EFCAB6: variants seen among roughly 807,000 people sequenced by gnomAD.
The protein encoded by EFCAB6 is EF-hand calcium binding domain 6, also known as EF-hand calcium-binding domain-containing protein 6.
In EFCAB6, 156 loss-of-function variants were observed where a neutral mutation model predicts 169.8. The ratio of observed to expected loss-of-function variants is 0.92; its 90% CI spans 0.81 to 1.05. EFCAB6 has a LOEUF of 1.05. EFCAB6 is among the 50% of genes least tolerant of loss of function. The pLI, the probability that EFCAB6 is intolerant of heterozygous loss-of-function variation, is 0.00. For missense variants in EFCAB6, 1,800 were observed against 1,829.1 expected (o/e 0.98, Z 0.29); for synonymous variants, 698 against 676.4 (o/e 1.03, Z -0.50).
At chr22:43,547,414 C>T (rs1196808840) in intron 27 of EFCAB6, among the ~76,000 whole-genome samples, 1 of 152,034 alleles carries the variant, frequency 6.6e-6, no homozygotes, top group Non-Finnish European at 1.5e-5. Context: ...ATATAATTTC[C>T]AAACCAATAG....
chr22:43,746,146 C>T (rs750810297), intron 6 of EFCAB6, among the ~76,000 whole-genome samples: 9 of 152,318 alleles, frequency 5.9e-5, no homozygotes, highest in Non-Finnish European at 1.2e-4. Context: ...GGCCGGGCAT[C>T]GCTCACCTTT....
chr22:43,658,214 G>A (rs1054331014), intron 17 of EFCAB6, among the ~76,000 whole-genome samples: 1 of 151,738 alleles, frequency 6.6e-6, no homozygotes, highest in African/African-American at 2.4e-5. Flanking sequence ...CCTGGGCGAC[G>A]GAGCAAAACT....
In EFCAB6 at chr22:43,701,441, T is replaced by G. The variant is rs2058761339; in HGVS notation, c.1031+10034A>C. ...GAACTCAATGTTCTCTGTAAAAATATAAAAGAAAATAAAAAGGCAGTTGGT... is the reference window on the plus strand; with the variant it reads ...GAACTCAATGTTCTCTGTAAAAATAGAAAAGAAAATAAAAAGGCAGTTGGT... On this transcript the variant is annotated intron_variant, in intron 10 of 31. Transcript: ENST00000262726. Among the ~76,000 whole-genome samples, 3 of 152,042 alleles carry G rather than the reference T, an allele frequency of 2.0e-5. No individual in the cohort carries two copies. The South Asian group carries it at 6.2e-4, about 32-fold the overall frequency.
chr22:43,533,895 G>T (rs2047228107), intron 30 of EFCAB6, among the ~76,000 whole-genome samples: 1 of 152,232 alleles, frequency 6.6e-6, no homozygotes, highest in Non-Finnish European at 1.5e-5. Flanking sequence ...GCTGGGCTCT[G>T]GCCTCCTGGA....
At chr22:43,684,840 A>G (rs1474935700) in intron 11 of EFCAB6, among the ~76,000 whole-genome samples, 1 of 152,200 alleles carries the variant, frequency 6.6e-6, no homozygotes, top group Non-Finnish European at 1.5e-5. Context: ...TAGGGGCTGG[A>G]GAGCTCTTTG....
rs747788683 is a variant in EFCAB6 at position 43,678,120 on chromosome 22, A to G, written c.1295T>C (p.Leu432Pro). 4 of 1,613,602 alleles carry G rather than the reference A, an allele frequency of 2.5e-6. No homozygotes were observed. The highest frequency in any genetic ancestry group is 3.4e-6 in the Non-Finnish European group (4 of 1,179,868). Residue 432 changes from leucine (L) to proline (P), a missense_variant, in exon 13 of 32, where the codon CTA becomes CCA. Leu to Pro is a moderately conservative substitution (Grantham distance 98). Transcript: ENST00000262726. ...GCTTAGTTTTACAGCCATGCAATTTAGAATATATCGAAATTCTTCTCTTGT... is the reference window on the plus strand; with the variant it reads ...GCTTAGTTTTACAGCCATGCAATTTGGAATATATCGAAATTCTTCTCTTGT... ...PITREEFRYI[L>P]NCMAVKLSDS...
chr22:43,670,773 A>C (rs573062910), intron 15 of EFCAB6, among the ~76,000 whole-genome samples: 1 of 152,338 alleles, frequency 6.6e-6, no homozygotes, highest in Non-Finnish European at 1.5e-5. Context: ...CACTTGGAAC[A>C]GAAGGAAAGA....
At chr22:43,790,962 T>C (rs2062264503) in intron 2 of EFCAB6, among the ~76,000 whole-genome samples, 1 of 152,190 alleles carries the variant, frequency 6.6e-6, no homozygotes, top group Admixed American at 6.5e-5. Context: ...TGGGAAAGAC[T>C]GCAGGTAGAA....
intron 12 of EFCAB6, among the ~76,000 whole-genome samples, chr22:43,681,070 C>T (rs2057988257): frequency 1.3e-5 from 2 of 152,218 alleles, no homozygotes; most frequent in South Asian, 4.1e-4. Flanking sequence ...CAGTCTTTTA[C>T]CATTAACTGT....
intron 26 of EFCAB6, among the ~76,000 whole-genome samples, chr22:43,567,304 C>T (rs2049509948): frequency 6.6e-6 from 1 of 152,128 alleles, no homozygotes; most frequent in Admixed American, 6.5e-5. Context: ...AAAAGGGAAA[C>T]ATTTATGCCA....
Position 43,795,939 on chromosome 22 carries a change from C to T in EFCAB6, c.-8+13056G>A, listed in dbSNP as rs1480370717. Among the ~76,000 whole-genome samples, 2 of 150,586 alleles carry T rather than the reference C, an allele frequency of 1.3e-5. No individual in the cohort carries two copies. The highest frequency in any genetic ancestry group is 2.4e-5 in the African/African-American group (1 of 40,900). On this transcript the variant is annotated intron_variant, in intron 2 of 31. Transcript: ENST00000262726. This position sits in a 1 kb window ranked among gnomAD's most constrained non-coding sequence, Gnocchi z 4.2. The stretch of plus-strand genomic sequence containing the variant: ...CACACACACACCCCTTCATCACACA[C>T]GTACCACACACAACTCACCCCCCAC...
chr22:43,695,457 C>T (rs1284725460), intron 10 of EFCAB6, among the ~76,000 whole-genome samples: 2 of 151,922 alleles, frequency 1.3e-5, no homozygotes, highest in South Asian at 2.1e-4. Context: ...TCCTAGCAGG[C>T]TTTCAAAAAC....
At chr22:43,665,936 C>A (rs913013589) in intron 17 of EFCAB6, among the ~76,000 whole-genome samples, 1 of 152,094 alleles carries the variant, frequency 6.6e-6, no homozygotes, top group Admixed American at 6.6e-5. Context: ...TACAGGCGTG[C>A]GTGACCACAC....
chr22:43,630,231 G>A (rs16990856), intron 19 of EFCAB6, among the ~76,000 whole-genome samples: 5,173 of 152,260 alleles, frequency 0.034, 102 homozygotes, highest in South Asian at 0.039. Flanking sequence ...CACAAGCCAA[G>A]TCCTCACGAG....
chr22:43,649,872 G>C lies in EFCAB6; in HGVS notation c.1984-14656C>G, dbSNP rs572302317. Among the ~76,000 whole-genome samples the C allele has an allele frequency of 2.6e-5, 4 of 152,358 alleles. No individual in the cohort carries two copies. In the South Asian group the frequency reaches 8.3e-4, roughly 32 times the overall value. On this transcript the variant is annotated intron_variant, in intron 17 of 31. Transcript: ENST00000262726. Reference sequence around the variant, plus strand: ...GGGCAAGGGGCTCAGGACTGGGGCAGACGGCCCAGGCAGACAGAGAAGCAA... The same window carrying C: ...GGGCAAGGGGCTCAGGACTGGGGCACACGGCCCAGGCAGACAGAGAAGCAA...
intron 27 of EFCAB6, chr22:43,554,571 A>C: frequency 4.9e-6 from 2 of 409,494 alleles, no homozygotes; most frequent in South Asian, 5.6e-5. Flanking sequence ...GACCCAGACC[A>C]CATTACCTCC....
At chr22:43,736,926 G>A (rs1047442111) in intron 6 of EFCAB6, among the ~76,000 whole-genome samples, 2 of 151,902 alleles carry the variant, frequency 1.3e-5, no homozygotes, top group South Asian at 2.1e-4. Flanking sequence ...GGCGCCCAAA[G>A]CTCACAGCCT....
chr22:43,685,397 A>C (rs1383731405), intron 11 of EFCAB6, among the ~76,000 whole-genome samples: 1 of 152,168 alleles, frequency 6.6e-6, no homozygotes, highest in Non-Finnish European at 1.5e-5. Context: ...ATCAGCTGGG[A>C]GCCCAGAGAG....
At chr22:43,772,141 C>T (rs961305959) in intron 4 of EFCAB6, among the ~76,000 whole-genome samples, 3 of 152,212 alleles carry the variant, frequency 2.0e-5, no homozygotes, top group Non-Finnish European at 4.4e-5. Context: ...TCTCCCAGCA[C>T]TTGCCAACAC....
Sources: allele counts gnomAD v4.1 joint callset (sites outside exome capture counted in the v4.1 genomes callset), GRCh38; gene constraint gnomAD v4.1.1; non-coding constraint Gnocchi (gnomAD v3.1); transcripts MANE v1.5; gene names NCBI Gene and HGNC (gene_info 2026-07-23, HGNC 2026-07-21).